KCNH7: variants seen among roughly 807,000 people sequenced by gnomAD.
KCNH7 encodes voltage-gated inwardly rectifying potassium channel KCNH7.
A neutral mutation model predicts 120.8 loss-of-function variants in KCNH7; 49 were observed. That is an observed-to-expected ratio of 0.41 (90% CI 0.32 to 0.51). The LOEUF is 0.51. Among genes scored for constraint, KCNH7 ranks in the 20% least tolerant of loss-of-function variants. The pLI is 0.38. For missense variants in KCNH7, 1,097 were observed against 1,446.6 expected (o/e 0.76, Z 3.92); for synonymous variants, 547 against 516.1 (o/e 1.06, Z -0.81).
intron 6 of KCNH7, among the ~76,000 whole-genome samples, chr2:162,479,111 C>T (rs1689841058): frequency 6.7e-6 from 1 of 150,368 alleles, no homozygotes; most frequent in Admixed American, 6.6e-5. Flanking sequence ...AAAAATTCTA[C>T]CTCTGACTGA....
At chr2:162,690,357 C>A (rs1027457999) in intron 2 of KCNH7, among the ~76,000 whole-genome samples, 1 of 151,840 alleles carries the variant, frequency 6.6e-6, no homozygotes, top group African/African-American at 2.4e-5. Flanking sequence ...AACAAACCTG[C>A]ACTTGTACCC....
At chr2:162,603,575 C>T (rs1398305806) in intron 2 of KCNH7, among the ~76,000 whole-genome samples, 3 of 152,100 alleles carry the variant, frequency 2.0e-5, no homozygotes, top group Non-Finnish European at 4.4e-5. Flanking sequence ...GGTATGGTGG[C>T]ACACACCTCT....
At chr2:162,676,699 G>A (rs1347212406) in intron 2 of KCNH7, among the ~76,000 whole-genome samples, 1 of 151,422 alleles carries the variant, frequency 6.6e-6, no homozygotes, top group Non-Finnish European at 1.5e-5. Flanking sequence ...GCAAACAGAA[G>A]TACCTTGGAG....
chr2:162,394,298 A>G (rs1686836652), intron 12 of KCNH7, 91 bp downstream of exon 12: 1 of 779,688 alleles, frequency 1.3e-6, no homozygotes, highest in Non-Finnish European at 2.3e-6. Context: ...AGTAAAATAT[A>G]CTCTTGAAGT....
chr2:162,530,617 G>A (rs1170375874), intron 3 of KCNH7, among the ~76,000 whole-genome samples: 4 of 151,976 alleles, frequency 2.6e-5, no homozygotes, highest in Non-Finnish European at 4.4e-5. Context: ...ATCATTTCAA[G>A]TGATACAAAA....
At chr2:162,390,251 T>C (rs1686704132) in intron 12 of KCNH7, among the ~76,000 whole-genome samples, 2 of 150,530 alleles carry the variant, frequency 1.3e-5, no homozygotes, top group African/African-American at 4.9e-5. Flanking sequence ...ATTATATATA[T>C]ATACACACAC....
intron 6 of KCNH7, among the ~76,000 whole-genome samples, chr2:162,469,211 T>G (rs985338708): frequency 3.9e-5 from 6 of 152,210 alleles, no homozygotes; most frequent in African/African-American, 1.4e-4. Context: ...TTATGAAATT[T>G]TATGCTATAA....
intron 2 of KCNH7, among the ~76,000 whole-genome samples, chr2:162,774,247 G>C (rs1405054523): frequency 6.6e-6 from 1 of 151,840 alleles, no homozygotes; most frequent in Non-Finnish European, 1.5e-5. Context: ...TTAAACTTGA[G>C]TCATTTAAAC....
At chr2:162,593,881 G>T (rs78736720) in intron 2 of KCNH7, among the ~76,000 whole-genome samples, 6,601 of 151,934 alleles carry the variant, frequency 0.043, 287 homozygotes, top group East Asian at 0.11. Context: ...AAGCATTTTT[G>T]GACTCATATT....
intron 2 of KCNH7, among the ~76,000 whole-genome samples, chr2:162,725,447 T>C (rs1687479477): frequency 6.6e-6 from 1 of 152,150 alleles, no homozygotes; most frequent in African/African-American, 2.4e-5. Flanking sequence ...ATAGGGTAAC[T>C]GCAAGCATTC....
intron 2 of KCNH7, among the ~76,000 whole-genome samples, chr2:162,738,542 C>A (rs553245285): frequency 6.6e-6 from 1 of 152,220 alleles, no homozygotes; most frequent in African/African-American, 2.4e-5. Context: ...TTGAATGTTG[C>A]CTAATCTGAC....
intron 2 of KCNH7, among the ~76,000 whole-genome samples, chr2:162,602,945 G>T (rs1694606240): frequency 6.6e-6 from 1 of 150,592 alleles, no homozygotes; most frequent in South Asian, 2.1e-4. Context: ...TTGAGCTGGA[G>T]GACTTTTTTT....
intron 2 of KCNH7, among the ~76,000 whole-genome samples, chr2:162,829,189 T>G (rs994099580): frequency 1.6e-4 from 24 of 152,156 alleles, no homozygotes; most frequent in African/African-American, 4.6e-4. Context: ...AATTAGTGCC[T>G]TATAGCTACC....
At chr2:162,597,691 AT>A (rs747579638) in intron 2 of KCNH7, among the ~76,000 whole-genome samples, 11 of 152,096 alleles carry the variant, frequency 7.2e-5, no homozygotes, top group Non-Finnish European at 1.5e-4. Flanking sequence ...AAAAGAATGG[AT>A]TTTAAATGTT....
chr2:162,702,909 C>T (rs1250043976), intron 2 of KCNH7, among the ~76,000 whole-genome samples: 1 of 151,902 alleles, frequency 6.6e-6, no homozygotes, highest in Non-Finnish European at 1.5e-5. Context: ...TGAATGTTTC[C>T]TTAGGAACAG....
intron 6 of KCNH7, among the ~76,000 whole-genome samples, chr2:162,447,183 A>G (rs983095759): frequency 6.6e-6 from 1 of 152,112 alleles, no homozygotes; most frequent in Non-Finnish European, 1.5e-5. Flanking sequence ...TTTAGACACC[A>G]AGTGGTACTT....
chr2:162,432,198 G>C (rs556653259), intron 8 of KCNH7, among the ~76,000 whole-genome samples: 1 of 151,830 alleles, frequency 6.6e-6, no homozygotes, highest in East Asian at 1.9e-4. Flanking sequence ...AGTTTTAATC[G>C]CAAAATGGTT....
At position 162,726,705 on chromosome 2, in the gene KCNH7, A is replaced by T. The variant is rs139758575; in HGVS notation, c.307+109832T>A. Among the ~76,000 whole-genome samples, 592 of 152,316 alleles carry T rather than the reference A, an allele frequency of 3.9e-3. 1 individual carries two copies. Among genetic ancestry groups the T allele is most frequent in the Non-Finnish European group, 6.8e-3 (460 of 68,028 alleles). On this transcript the variant is annotated intron_variant, in intron 2 of 15. Coordinates refer to ENST00000332142, the MANE Select transcript of KCNH7 (RefSeq NM_033272.4). The stretch of plus-strand genomic sequence containing the variant: ...CAAGTGCCAGGATAACAGCCGTGAG[A>T]CATGGCACCCAGCCTATTATTCTTT...
At chr2:162,662,253 ACT>A (rs1425955997) in intron 2 of KCNH7, among the ~76,000 whole-genome samples, 1 of 152,204 alleles carries the variant, frequency 6.6e-6, no homozygotes, top group Non-Finnish European at 1.5e-5. Context: ...ACAGGGCGAG[ACT>A]CTGTCTCAAA....
Sources: gnomAD v4.1 joint callset for allele counts (sites outside exome capture counted in the v4.1 genomes callset) on GRCh38, gnomAD v4.1.1 for gene constraint, MANE v1.5 for transcripts, NCBI Gene and HGNC (gene_info 2026-07-23, HGNC 2026-07-21) for gene names.